Variants in MACROH2A2 observed in about 807,000 individuals in gnomAD.
MACROH2A2 encodes the protein macroH2A.2 histone, also known as core histone macro-H2A.2.
In MACROH2A2, 6 loss-of-function variants were observed where a neutral mutation model predicts 37.6. The observed-to-expected ratio is 0.16, with a 90% CI of 0.09 to 0.32. The LOEUF (loss-of-function observed/expected upper bound fraction) is 0.32. MACROH2A2 is among the 10% of genes least tolerant of loss of function. The pLI is 1.00. For synonymous variants in MACROH2A2, 192 were observed against 202.7 expected (o/e 0.95, Z 0.45); for missense variants, 290 against 485.9 (o/e 0.60, Z 3.79).
In MACROH2A2 at chr10:70,077,428, C is replaced by G. The variant is rs547349917; in HGVS notation, c.172+1598C>G. Among the ~76,000 whole-genome samples, 6 of 150,706 alleles carry G rather than the reference C, an allele frequency of 4.0e-5. No individual in the cohort carries two copies. The South Asian group carries it at 8.4e-4, about 21-fold the overall frequency. Reference sequence around the variant, plus strand: ...ACTAAAAATACAAAAATTAGCCAGGCGTGATGGCAGCTACTGGGATTACAG... The same window carrying G: ...ACTAAAAATACAAAAATTAGCCAGGGGTGATGGCAGCTACTGGGATTACAG... On this transcript the variant is annotated intron_variant, in intron 2 of 8. Transcript: ENST00000373255.
chr10:70,060,804 G>T (rs1292609153), intron 1 of MACROH2A2, among the ~76,000 whole-genome samples: 4 of 152,094 alleles, frequency 2.6e-5, no homozygotes, highest in Admixed American at 1.3e-4. Flanking sequence ...ACTTGATAAA[G>T]AACTTATTTA....
At chr10:70,102,341 C>T (rs1438676572) in intron 7 of MACROH2A2, among the ~76,000 whole-genome samples, 2 of 152,200 alleles carry the variant, frequency 1.3e-5, no homozygotes, top group South Asian at 2.1e-4. Flanking sequence ...GTGGGCTGTG[C>T]GAAGGGGTCT....
chr10:70,100,908 C>T (rs1191608883), intron 7 of MACROH2A2, among the ~76,000 whole-genome samples: 1 of 152,172 alleles, frequency 6.6e-6, no homozygotes, highest in Non-Finnish European at 1.5e-5. Context: ...TGAGCCACCA[C>T]ACCCGGCCAC....
At chr10:70,074,120 A>G (rs1183224648) in intron 1 of MACROH2A2, among the ~76,000 whole-genome samples, 2 of 152,194 alleles carry the variant, frequency 1.3e-5, no homozygotes, top group Non-Finnish European at 2.9e-5. Flanking sequence ...CGGTTACGGT[A>G]CCCTGTCAAC....
intron 1 of MACROH2A2, among the ~76,000 whole-genome samples, chr10:70,059,802 T>C (rs2072040777): frequency 6.6e-6 from 1 of 152,176 alleles, no homozygotes; most frequent in South Asian, 2.1e-4. Flanking sequence ...TCTACCACCT[T>C]GATGCCCCCT....
At chr10:70,054,458 G>A (rs534754663) in intron 1 of MACROH2A2, among the ~76,000 whole-genome samples, 4 of 152,220 alleles carry the variant, frequency 2.6e-5, no homozygotes, top group Admixed American at 1.3e-4. Context: ...ATCCCCTAGG[G>A]GCCATTAGTC....
At chr10:70,109,402 C>G (rs1221444998) in intron 8 of MACROH2A2, among the ~76,000 whole-genome samples, 195 bp downstream of exon 8, 1 of 152,230 alleles carries the variant, frequency 6.6e-6, no homozygotes, top group Admixed American at 6.5e-5. Flanking sequence ...TCCTAGGCAG[C>G]AGGTCTTCCC....
intron 6 of MACROH2A2, among the ~76,000 whole-genome samples, chr10:70,097,796 A>G (rs1564546777): frequency 6.6e-6 from 1 of 152,198 alleles, no homozygotes; most frequent in Non-Finnish European, 1.5e-5. Context: ...CAGTTACATC[A>G]TAAATGTCAA....
chr10:70,086,493 TTATTTTGTC>T (rs1011722793), intron 2 of MACROH2A2, among the ~76,000 whole-genome samples: 1 of 152,232 alleles, frequency 6.6e-6, no homozygotes, highest in Non-Finnish European at 1.5e-5. Flanking sequence ...TTCCGGCAGA[TTATTTTGTC>T]TGTGAATGTC....
intron 6 of MACROH2A2, among the ~76,000 whole-genome samples, chr10:70,097,074 G>A (rs951602703): frequency 6.6e-6 from 1 of 152,090 alleles, no homozygotes; most frequent in Non-Finnish European, 1.5e-5. Flanking sequence ...TGGCATGGTG[G>A]CAGAGTAGAA....
intron 3 of MACROH2A2, 83 bp from the exon 4 acceptor site, chr10:70,091,673 CA>C (rs571416539): frequency 0.27 from 182,070 of 679,766 alleles, 3,285 homozygotes; most frequent in African/African-American, 0.33. Context: ...GATTCTGTAT[CA>C]AAAAAAAAAA....
Position 70,053,997 on chromosome 10 carries a change from C to A in MACROH2A2, c.-60+997C>A, listed in dbSNP as rs1201299792. On this transcript the variant is annotated intron_variant, in intron 1 of 8. Coordinates refer to ENST00000373255, the MANE Select transcript of MACROH2A2 (RefSeq NM_018649.3). This position sits in a 1 kb window ranked among gnomAD's most constrained non-coding sequence, Gnocchi z 4.8. The stretch of plus-strand genomic sequence containing the variant: ...CCTCCAGCCCCGGCGCACCTCAGCC[C>A]CAGCCCGGCCAGCCCCCCGGATCGC... 2.0e-5 allele frequency among the ~76,000 whole-genome samples: 3 copies of A among 152,194 alleles called. No individual in the cohort carries two copies. The highest frequency in any genetic ancestry group is 4.4e-5 in the Non-Finnish European group (3 of 68,014).
At chr10:70,100,726 T>C (rs2072302061) in intron 7 of MACROH2A2, among the ~76,000 whole-genome samples, 1 of 151,844 alleles carries the variant, frequency 6.6e-6, no homozygotes, top group South Asian at 2.1e-4. Flanking sequence ...AAACGATTCT[T>C]GTGCCTTAGC....
At chr10:70,082,519 G>A (rs979498348) in intron 2 of MACROH2A2, among the ~76,000 whole-genome samples, 2 of 152,172 alleles carry the variant, frequency 1.3e-5, no homozygotes, top group African/African-American at 2.4e-5. Flanking sequence ...CACAGCAGCC[G>A]AAAGGTGGAA....
rs1028591949 is a variant in MACROH2A2, at chr10:70,053,983, G to A, written c.-60+983G>A. 2.0e-5 allele frequency among the ~76,000 whole-genome samples: 3 copies of A among 152,160 alleles called. No individual in the cohort carries two copies. Among genetic ancestry groups the A allele is most frequent in the Non-Finnish European group, 2.9e-5 (2 of 68,006 alleles). On this transcript the variant is annotated intron_variant, in intron 1 of 8. Coordinates refer to ENST00000373255, the MANE Select transcript of MACROH2A2 (RefSeq NM_018649.3). This position sits in a 1 kb window ranked among gnomAD's most constrained non-coding sequence, Gnocchi z 4.8. ...CCCCCGGCTCCCAGCCTCCAGCCCC[G>A]GCGCACCTCAGCCCCAGCCCGGCCA...
chr10:70,106,802 CAAAA>C (rs56986649), intron 7 of MACROH2A2, among the ~76,000 whole-genome samples: 3,726 of 65,342 alleles, frequency 0.057, 184 homozygotes, highest in East Asian at 0.31. Flanking sequence ...CATCCTGTCT[CAAAA>C]AAAAAAAAAA....
intron 6 of MACROH2A2, among the ~76,000 whole-genome samples, chr10:70,096,605 A>G (rs1346839956): frequency 6.6e-6 from 1 of 152,168 alleles, no homozygotes; most frequent in East Asian, 1.9e-4. Flanking sequence ...GGCGCTGGAA[A>G]TAACAGCATG....
intron 6 of MACROH2A2, chr10:70,098,435 T>A (rs1001297455): frequency 6.6e-6 from 1 of 151,648 alleles, no homozygotes; most frequent in African/African-American, 2.4e-5. Flanking sequence ...AGAAAGAAAA[T>A]TTGTTTATTT....
chr10:70,097,281 C>T (rs534968337), intron 6 of MACROH2A2, among the ~76,000 whole-genome samples: 2 of 152,120 alleles, frequency 1.3e-5, no homozygotes, highest in Admixed American at 6.5e-5. Flanking sequence ...GGTTTCTAAA[C>T]CTCCCTGAAC....
Sources: allele counts gnomAD v4.1 joint callset (sites outside exome capture counted in the v4.1 genomes callset), GRCh38; gene constraint gnomAD v4.1.1; non-coding constraint Gnocchi (gnomAD v3.1); transcripts MANE v1.5; gene names NCBI Gene and HGNC (gene_info 2026-07-23, HGNC 2026-07-21).